Variants in HDAC9 observed in about 807,000 individuals in gnomAD.
HDAC9 encodes histone deacetylase 9.
HDAC9 carries 41 observed loss-of-function variants against 139.4 expected under a neutral mutation model. The observed-to-expected ratio is 0.29, with a 90% CI of 0.23 to 0.38. The LOEUF (loss-of-function observed/expected upper bound fraction) is 0.38. Among genes scored for constraint, HDAC9 ranks in the 10% least tolerant of loss-of-function variants. The pLI is 1.00. For missense variants in HDAC9, 1,147 were observed against 1,297.0 expected (o/e 0.88, Z 1.78); for synonymous variants, 517 against 476.2 (o/e 1.09, Z -1.12).
intron 2 of HDAC9, among the ~76,000 whole-genome samples, chr7:18,550,277 A>T (rs1816678488): frequency 6.6e-6 from 1 of 152,080 alleles, no homozygotes; most frequent in African/African-American, 2.4e-5. Flanking sequence ...TCTATTTTTT[A>T]CTGTACTATA....
At chr7:18,839,066 C>A (rs1247610501) in intron 21 of HDAC9, among the ~76,000 whole-genome samples, 5 of 151,974 alleles carry the variant, frequency 3.3e-5, no homozygotes, top group African/African-American at 1.2e-4. Context: ...TATCATTCAT[C>A]TCTGAAATAA....
chr7:18,867,097 T>C (rs887470043), intron 21 of HDAC9, among the ~76,000 whole-genome samples: 9 of 152,212 alleles, frequency 5.9e-5, no homozygotes, highest in African/African-American at 2.2e-4. Context: ...TCTCCTTTTA[T>C]TTTTATAAGT....
At chr7:18,664,030 A>G (rs1794048999) in intron 11 of HDAC9, among the ~76,000 whole-genome samples, 2 of 152,136 alleles carry the variant, frequency 1.3e-5, no homozygotes, top group Admixed American at 6.5e-5. Flanking sequence ...ATGCTGTTGC[A>G]TATTCTTTCT....
At position 18,919,977 on chromosome 7, in the gene HDAC9, C is replaced by T. The variant is rs199735504; in HGVS notation, c.2804-15832C>T. Among the ~76,000 whole-genome samples the T allele has an allele frequency of 5.9e-5, 9 of 152,092 alleles. No homozygotes were observed. In the East Asian group the frequency reaches 7.8e-4, roughly 13 times the overall value. ...TTGGCTTAGGATTGACTTGGCAATGCGGGCTCTTTTTTGGTTCCATATGAA... is the reference window on the plus strand; with the variant it reads ...TTGGCTTAGGATTGACTTGGCAATGTGGGCTCTTTTTTGGTTCCATATGAA... On this transcript the variant is annotated intron_variant, in intron 22 of 25. Coordinates refer to ENST00000686413, the MANE Select transcript of HDAC9 (RefSeq NM_178425.4).
intron 21 of HDAC9, among the ~76,000 whole-genome samples, chr7:18,850,741 C>G (rs1481950673): frequency 6.6e-6 from 1 of 152,124 alleles, no homozygotes; most frequent in Non-Finnish European, 1.5e-5. Flanking sequence ...GGCCCATAAA[C>G]AACAGAAATG....
chr7:18,539,891 TAAAATAAAAC>T (rs1004122840), intron 2 of HDAC9, among the ~76,000 whole-genome samples: 13 of 151,922 alleles, frequency 8.6e-5, no homozygotes, highest in South Asian at 2.1e-4. Flanking sequence ...CCAATTTGTT[TAAAATAAAAC>T]AAAATAAAAG....
chr7:18,160,991 A>T (rs900473358), intron 1 of HDAC9, among the ~76,000 whole-genome samples: 4 of 152,212 alleles, frequency 2.6e-5, no homozygotes, highest in African/African-American at 7.2e-5. Context: ...TTTCATTTTT[A>T]TCTTTCTGTA....
intron 1 of HDAC9, among the ~76,000 whole-genome samples, chr7:18,332,881 C>G (rs1781301899): frequency 6.6e-6 from 1 of 151,472 alleles, no homozygotes; most frequent in African/African-American, 2.4e-5. Context: ...TTCAGAAGTG[C>G]AGGAATCTTT....
chr7:18,273,049 C>T (rs1256743167), intron 2 of HDAC9, among the ~76,000 whole-genome samples: 1 of 116,836 alleles, frequency 8.6e-6, no homozygotes, highest in African/African-American at 3.2e-5. Flanking sequence ...CCTTCTTCCC[C>T]TTCTTCGTTT....
chr7:18,478,897 T>C (rs1482240929), intron 1 of HDAC9, among the ~76,000 whole-genome samples: 2 of 152,158 alleles, frequency 1.3e-5, no homozygotes, highest in Non-Finnish European at 2.9e-5. Flanking sequence ...CTGTAACATA[T>C]TTCATATGTG....
chr7:18,800,424 A>G (rs1282374780), intron 17 of HDAC9, among the ~76,000 whole-genome samples: 1 of 152,170 alleles, frequency 6.6e-6, no homozygotes, highest in Non-Finnish European at 1.5e-5. Context: ...TTTGCATTGA[A>G]TCTACAGATG....
intron 13 of HDAC9, 117 bp downstream of exon 13, chr7:18,727,874 T>A: frequency 3.9e-6 from 3 of 769,176 alleles, no homozygotes; most frequent in Non-Finnish European, 5.7e-6. Flanking sequence ...TTTAACCCAG[T>A]GCAACCCAAA....
At chr7:18,532,115 T>C (rs960743040) in intron 2 of HDAC9, among the ~76,000 whole-genome samples, 5 of 152,064 alleles carry the variant, frequency 3.3e-5, no homozygotes, top group Non-Finnish European at 7.4e-5. Flanking sequence ...CTGGGCATGG[T>C]GGTGCACACC....
chr7:18,655,955 T>A (rs759012505), intron 11 of HDAC9, among the ~76,000 whole-genome samples: 13 of 152,082 alleles, frequency 8.5e-5, no homozygotes, highest in Non-Finnish European at 1.9e-4. Context: ...AGTAGTTTCA[T>A]GTGACAGAAT....
chr7:18,522,744 G>A (rs1301853834), intron 2 of HDAC9, among the ~76,000 whole-genome samples: 3 of 152,062 alleles, frequency 2.0e-5, no homozygotes, highest in African/African-American at 7.2e-5. Flanking sequence ...TCTTAAGAAG[G>A]ATTAATAACA....
At chr7:18,585,552 A>G (rs376092228) in intron 3 of HDAC9, 30 bp downstream of exon 3, 9 of 1,608,560 alleles carry the variant, frequency 5.6e-6, no homozygotes, top group Admixed American at 3.3e-5. Context: ...CTGTGACCTT[A>G]CTCAGGAGTC....
chr7:18,791,732 C>A (rs755015996), intron 16 of HDAC9, among the ~76,000 whole-genome samples: 1 of 152,106 alleles, frequency 6.6e-6, no homozygotes, highest in Non-Finnish European at 1.5e-5. Flanking sequence ...TTCAGAACAG[C>A]CTTTCTAAGC....
At chr7:18,748,967 G>A (rs755859484) in intron 13 of HDAC9, 38 bp from the exon 14 acceptor site, 26 of 1,596,954 alleles carry the variant, frequency 1.6e-5, no homozygotes, top group African/African-American at 8.1e-5. Flanking sequence ...ATCTTGTACT[G>A]TTACTCAATC....
rs969296824 is a variant in HDAC9 at position 18,398,957 on chromosome 7, A to T, written c.-41-97305A>T. Among the ~76,000 whole-genome samples, 5 of 152,168 alleles carry T rather than the reference A, an allele frequency of 3.3e-5. No homozygotes were observed. The South Asian group carries it at 1.0e-3, about 32-fold the overall frequency. On this transcript the variant is annotated intron_variant, in intron 1 of 3. Transcript: ENST00000413509. ...GAGAAAGGTGTATAATAATAGTTGT[A>T]TTTACCATAAATACCTAACATATTT...
Sources: gnomAD v4.1 joint callset for allele counts (sites outside exome capture counted in the v4.1 genomes callset) on GRCh38, gnomAD v4.1.1 for gene constraint, MANE v1.5 for transcripts, NCBI Gene and HGNC (gene_info 2026-07-23, HGNC 2026-07-21) for gene names.